NKAIN2: variants seen among roughly 807,000 people sequenced by gnomAD.
NKAIN2 encodes the protein sodium/potassium-transporting ATPase subunit beta-1-interacting protein 2.
A neutral mutation model predicts 32.6 loss-of-function variants in NKAIN2; 14 were observed. That is an observed-to-expected ratio of 0.43 (90% CI 0.28 to 0.67). The LOEUF is 0.67. NKAIN2 is among the 30% of genes least tolerant of loss of function. The pLI, the probability that NKAIN2 is intolerant of heterozygous loss-of-function variation, is 0.17. For synonymous variants in NKAIN2, 80 were observed against 87.2 expected (o/e 0.92, Z 0.46); for missense variants, 198 against 258.3 (o/e 0.77, Z 1.60).
intron 6 of NKAIN2, among the ~76,000 whole-genome samples, chr6:124,821,226 T>A (rs572657527): frequency 1.7e-4 from 25 of 150,122 alleles, no homozygotes; most frequent in African/African-American, 5.4e-4. Flanking sequence ...ACCTGGGAGG[T>A]GGAGGTTGCA....
chr6:124,822,811 C>G (rs975294096), intron 6 of NKAIN2, among the ~76,000 whole-genome samples: 1 of 151,920 alleles, frequency 6.6e-6, no homozygotes, highest in African/African-American at 2.4e-5. Flanking sequence ...CCCGTGTCTA[C>G]AGCTTAAGTT....
chr6:124,035,241 C>T (rs1781562312), intron 1 of NKAIN2, among the ~76,000 whole-genome samples: 3 of 152,024 alleles, frequency 2.0e-5, no homozygotes, highest in Admixed American at 2.0e-4. Flanking sequence ...AATAATCTGG[C>T]CATAAATAGT....
chr6:124,223,848 A>G (rs1791961900), intron 1 of NKAIN2, among the ~76,000 whole-genome samples: 1 of 152,206 alleles, frequency 6.6e-6, no homozygotes, highest in Non-Finnish European at 1.5e-5. Context: ...TGACAAAGAC[A>G]ATGAAAATAT....
chr6:124,414,983 A>C (rs1002510158), intron 3 of NKAIN2, among the ~76,000 whole-genome samples: 28 of 151,946 alleles, frequency 1.8e-4, no homozygotes, highest in Non-Finnish European at 3.5e-4. Context: ...GAAAAAAAAA[A>C]CTCAAATTGC....
At chr6:124,438,475 C>T (rs1420109229) in intron 3 of NKAIN2, among the ~76,000 whole-genome samples, 2 of 152,108 alleles carry the variant, frequency 1.3e-5, no homozygotes, top group African/African-American at 2.4e-5. Flanking sequence ...TTTCTGTTGA[C>T]TCTTAACTGT....
At chr6:124,527,778 G>A (rs760208084) in intron 3 of NKAIN2, among the ~76,000 whole-genome samples, 3 of 152,064 alleles carry the variant, frequency 2.0e-5, no homozygotes, top group African/African-American at 7.2e-5. Flanking sequence ...TTGCAGAGTC[G>A]GTGGAAATTT....
At chr6:124,764,210 A>G (rs1239199478) in intron 4 of NKAIN2, among the ~76,000 whole-genome samples, 1 of 151,570 alleles carries the variant, frequency 6.6e-6, no homozygotes, top group Non-Finnish European at 1.5e-5. Context: ...ACTGAAATAA[A>G]ACATTTCTCT....
chr6:124,286,733 G>T (rs1795570582), intron 2 of NKAIN2, among the ~76,000 whole-genome samples: 1 of 151,560 alleles, frequency 6.6e-6, no homozygotes, highest in African/African-American at 2.4e-5. Flanking sequence ...CCAGGCTGGA[G>T]TGCAATGGTA....
chr6:124,781,281 C>T (rs985728650), intron 4 of NKAIN2, among the ~76,000 whole-genome samples: 5 of 152,086 alleles, frequency 3.3e-5, no homozygotes, highest in Non-Finnish European at 7.4e-5. Flanking sequence ...CACTATATAA[C>T]TTCTCTAAGC....
intron 1 of NKAIN2, among the ~76,000 whole-genome samples, chr6:124,112,129 G>A (rs1252329121): frequency 6.6e-6 from 1 of 151,954 alleles, no homozygotes; most frequent in Non-Finnish European, 1.5e-5. Context: ...TTATATTTGT[G>A]TATATATTTA....
At chr6:123,851,796 T>A (rs1236749189) in intron 1 of NKAIN2, among the ~76,000 whole-genome samples, 2 of 152,236 alleles carry the variant, frequency 1.3e-5, no homozygotes, top group Admixed American at 1.3e-4. Flanking sequence ...AGTCTTGCGA[T>A]AGAGTTCTTT....
At chr6:124,121,977 C>T in intron 1 of NKAIN2, 1 of 736,752 alleles carries the variant, frequency 1.4e-6, no homozygotes, top group South Asian at 1.6e-5. Context: ...CCATTTGTGT[C>T]TACAGGGTAA....
chr6:124,401,633 T>TTGTG (rs1773630457), intron 3 of NKAIN2, among the ~76,000 whole-genome samples: 1 of 152,224 alleles, frequency 6.6e-6, no homozygotes, highest in Admixed American at 6.5e-5. Context: ...GCTGCATATG[T>TTGTG]TGTGTAATTT....
chr6:124,567,708 A>G (rs1211661234), intron 3 of NKAIN2, among the ~76,000 whole-genome samples: 1 of 152,234 alleles, frequency 6.6e-6, no homozygotes, highest in Non-Finnish European at 1.5e-5. Flanking sequence ...ATTTAGACCA[A>G]GGGTCTGCAA....
chr6:124,332,084 A>T (rs1797683315), intron 2 of NKAIN2, among the ~76,000 whole-genome samples: 1 of 152,196 alleles, frequency 6.6e-6, no homozygotes, highest in Non-Finnish European at 1.5e-5. Context: ...GGATAAGGAT[A>T]TAGGCTTACC....
At chr6:124,425,347 A>G (rs1308661108) in intron 3 of NKAIN2, among the ~76,000 whole-genome samples, 1 of 152,220 alleles carries the variant, frequency 6.6e-6, no homozygotes, top group East Asian at 1.9e-4. Flanking sequence ...TAAATATAAG[A>G]CCTGAAATCT....
At chr6:123,860,192 C>T (rs979864923) in intron 1 of NKAIN2, among the ~76,000 whole-genome samples, 2 of 152,086 alleles carry the variant, frequency 1.3e-5, no homozygotes, top group African/African-American at 4.8e-5. Flanking sequence ...CACCAAACAT[C>T]AGCAGAGCAT....
At chr6:124,022,818 A>G (rs1037143707) in intron 1 of NKAIN2, among the ~76,000 whole-genome samples, 5 of 152,184 alleles carry the variant, frequency 3.3e-5, no homozygotes, top group African/African-American at 7.2e-5. Flanking sequence ...CACAGGCTTC[A>G]GAGTGTGACT....
At chr6:124,564,918 T>C (rs898222648) in intron 3 of NKAIN2, among the ~76,000 whole-genome samples, 1 of 152,212 alleles carries the variant, frequency 6.6e-6, no homozygotes, top group Non-Finnish European at 1.5e-5. Context: ...TCCACTCCAG[T>C]TACTGTTTCC....
Sources: allele counts gnomAD v4.1 joint callset (sites outside exome capture counted in the v4.1 genomes callset), GRCh38; gene constraint gnomAD v4.1.1; transcripts MANE v1.5; gene names NCBI Gene and HGNC (gene_info 2026-07-23, HGNC 2026-07-21).